Variants in KCNIP4 observed in about 807,000 individuals in gnomAD.
The protein encoded by KCNIP4 is Kv channel-interacting protein 4.
Under a neutral mutation model 34.0 loss-of-function variants are expected in KCNIP4, and 12 were observed. The ratio of observed to expected loss-of-function variants is 0.35; its 90% CI spans 0.23 to 0.57. KCNIP4 has a LOEUF of 0.57. KCNIP4 is among the 20% of genes least tolerant of loss of function. KCNIP4 has a pLI of 0.83. For missense variants in KCNIP4, 238 were observed against 311.7 expected, an observed-to-expected ratio of 0.76 and a Z score of 1.78; for synonymous variants, 124 against 102.2, an observed-to-expected ratio of 1.21 and a Z score of -1.29.
intron 1 of KCNIP4, among the ~76,000 whole-genome samples, chr4:21,349,260 A>G (rs114907766): frequency 1.2e-3 from 189 of 152,306 alleles, no homozygotes; most frequent in African/African-American, 4.3e-3. Context: ...GTGCTCAGTC[A>G]ATAATCAGCT....
rs765566645 is a variant in KCNIP4, at chr4:21,924,321, G to A, written c.61+24250C>T. Among the ~76,000 whole-genome samples the A allele has an allele frequency of 5.7e-4, 81 of 143,184 alleles. No individual in the cohort carries two copies. The Middle Eastern group carries it at 0.016, about 27-fold the overall frequency. The allele number at this position is 143,184 out of a possible 152,430, so 93.9% of individuals were successfully genotyped here. On this transcript the variant is annotated intron_variant, in intron 1 of 8. Coordinates refer to ENST00000382152, the MANE Select transcript of KCNIP4 (RefSeq NM_025221.6). ...TGCAGTGGTGTGATCTCGGCTCACC[G>A]CAAGCTCTGCCTCCCCGGTTCACGC...
intron 1 of KCNIP4, chr4:21,544,776 A>T (rs1737997686): frequency 6.6e-6 from 1 of 152,170 alleles, no homozygotes; most frequent in Non-Finnish European, 1.5e-5. Flanking sequence ...AGAATCATAA[A>T]AATGGGCAAC....
chr4:21,494,296 T>C (rs986943641), intron 1 of KCNIP4, among the ~76,000 whole-genome samples: 2 of 152,100 alleles, frequency 1.3e-5, no homozygotes, highest in Admixed American at 1.3e-4. Flanking sequence ...ACTTTTTAGA[T>C]GTTATAAGGA....
chr4:21,038,538 C>T (rs1741665030), intron 1 of KCNIP4, among the ~76,000 whole-genome samples: 2 of 152,082 alleles, frequency 1.3e-5, no homozygotes, highest in South Asian at 4.2e-4. Context: ...CTTCCCAGTT[C>T]CCCTTTGGTT....
chr4:21,800,816 C>T (rs977773095), intron 1 of KCNIP4, among the ~76,000 whole-genome samples: 2 of 152,142 alleles, frequency 1.3e-5, no homozygotes, highest in African/African-American at 4.8e-5. Flanking sequence ...TACTGCCAAA[C>T]ATAGCATGTA....
intron 1 of KCNIP4, among the ~76,000 whole-genome samples, chr4:21,499,678 A>G (rs910661294): frequency 6.6e-6 from 1 of 152,162 alleles, no homozygotes; most frequent in Non-Finnish European, 1.5e-5. Context: ...ATATTTTAGT[A>G]TATAGAAGGA....
intron 1 of KCNIP4, among the ~76,000 whole-genome samples, chr4:21,485,600 C>T (rs938150390): frequency 6.6e-5 from 10 of 152,176 alleles, no homozygotes; most frequent in Non-Finnish European, 1.3e-4. Flanking sequence ...TTCAAGCTGT[C>T]ATTCATAATT....
chr4:21,689,479 A>G (rs1751083366), intron 1 of KCNIP4, among the ~76,000 whole-genome samples: 1 of 152,142 alleles, frequency 6.6e-6, no homozygotes, highest in South Asian at 2.1e-4. Context: ...TAGGAATTAA[A>G]AGCTGGAATT....
chr4:21,944,565 A>C (rs1730394560), intron 1 of KCNIP4, among the ~76,000 whole-genome samples: 1 of 71,398 alleles, frequency 1.4e-5, no homozygotes, highest in African/African-American at 4.0e-5. Context: ...TCAAAAAAAA[A>C]AAAAAAAAAA....
intron 1 of KCNIP4, among the ~76,000 whole-genome samples, chr4:21,885,483 A>T (rs1726713612): frequency 6.6e-6 from 1 of 152,104 alleles, no homozygotes; most frequent in African/African-American, 2.4e-5. Flanking sequence ...TTGTAGCCTA[A>T]GAACTGCAGG....
chr4:21,526,904 G>T (rs977084420), intron 1 of KCNIP4, among the ~76,000 whole-genome samples: 3 of 152,194 alleles, frequency 2.0e-5, no homozygotes, highest in Non-Finnish European at 4.4e-5. Context: ...GTGAGGAAAT[G>T]CTTTTTCCTT....
chr4:21,740,406 C>T lies in KCNIP4; in HGVS notation c.61+208165G>A, dbSNP rs1000012898. Among the ~76,000 whole-genome samples the T allele has an allele frequency of 2.6e-5, 4 of 151,990 alleles. No homozygotes were observed. In the South Asian group the frequency reaches 8.3e-4, roughly 32 times the overall value. On this transcript the variant is annotated intron_variant, in intron 1 of 8. Coordinates refer to ENST00000382152, the MANE Select transcript of KCNIP4 (RefSeq NM_025221.6). ...TTTTCATTCCTTTCTTCCCTGTCAT[C>T]CTCCCTCCATTTTTCTATCAATTTA...
chr4:21,064,440 A>G (rs1744181725), intron 1 of KCNIP4, among the ~76,000 whole-genome samples: 1 of 151,944 alleles, frequency 6.6e-6, no homozygotes, highest in Non-Finnish European at 1.5e-5. Flanking sequence ...ATAGTATGTC[A>G]TAACAATTAA....
intron 2 of KCNIP4, among the ~76,000 whole-genome samples, chr4:20,856,070 G>A (rs1721539690): frequency 1.3e-5 from 2 of 152,138 alleles, no homozygotes; most frequent in African/African-American, 4.8e-5. Flanking sequence ...TTGAACAAAT[G>A]GGTTGATTCT....
chr4:21,670,407 T>G lies in KCNIP4; in HGVS notation c.61+278164A>C, dbSNP rs1376219438. ...GGACACAGGAAGGGGAATATCACAC[T>G]CTGGGGACTGTGGTGGGGTCGGGGG... On this transcript the variant is annotated intron_variant, in intron 1 of 8. Transcript: ENST00000382152. 3.4e-5 allele frequency among the ~76,000 whole-genome samples: 4 copies of G among 119,372 alleles called. No homozygotes were observed. The South Asian group carries it at 1.1e-3, about 34-fold the overall frequency. 78.3% of individuals were successfully genotyped at this position (119,372 alleles called of 152,430 possible).
chr4:21,035,322 A>G (rs1741358926), intron 1 of KCNIP4, among the ~76,000 whole-genome samples: 2 of 152,234 alleles, frequency 1.3e-5, no homozygotes, highest in African/African-American at 4.8e-5. Context: ...TAGGATTAGA[A>G]TGTGACATCC....
At chr4:21,496,167 G>A (rs565144781) in intron 1 of KCNIP4, among the ~76,000 whole-genome samples, 4 of 152,312 alleles carry the variant, frequency 2.6e-5, no homozygotes, top group South Asian at 4.1e-4. Flanking sequence ...CATTCCAAAT[G>A]GCAGTTTATG....
chr4:21,435,996 C>T (rs1560403399), intron 1 of KCNIP4, among the ~76,000 whole-genome samples: 1 of 152,140 alleles, frequency 6.6e-6, no homozygotes, highest in Non-Finnish European at 1.5e-5. Flanking sequence ...CAGCGAGCTC[C>T]CAGATCGTCT....
chr4:21,708,095 T>C (rs1372132143), intron 1 of KCNIP4, among the ~76,000 whole-genome samples: 4 of 152,252 alleles, frequency 2.6e-5, no homozygotes, highest in Admixed American at 6.6e-5. Context: ...TAATATCATA[T>C]TGTTTACCTT....
Sources: allele counts gnomAD v4.1 joint callset (sites outside exome capture counted in the v4.1 genomes callset), GRCh38; gene constraint gnomAD v4.1.1; transcripts MANE v1.5; gene names NCBI Gene and HGNC (gene_info 2026-07-23, HGNC 2026-07-21).